SYTL3: variants seen among roughly 807,000 people sequenced by gnomAD.
The protein encoded by SYTL3 is synaptotagmin-like protein 3.
A neutral mutation model predicts 82.1 loss-of-function variants in SYTL3; 88 were observed. That is an observed-to-expected ratio of 1.07 (90% confidence interval 0.90 to 1.28). The LOEUF is 1.28. Among genes scored for constraint, SYTL3 ranks in the 50% most tolerant of loss-of-function variants. The pLI is 0.00. For synonymous variants in SYTL3, 311 were observed against 289.4 expected (o/e 1.07, Z -0.76); for missense variants, 831 against 757.6 (o/e 1.10, Z -1.14).
intron 5 of SYTL3, among the ~76,000 whole-genome samples, chr6:158,676,654 C>T (rs1355449956): frequency 1.3e-5 from 2 of 152,144 alleles, no homozygotes; most frequent in African/African-American, 2.4e-5. Context: ...GCAACCTACT[C>T]ATCTGACAAA....
intron 12 of SYTL3, among the ~76,000 whole-genome samples, chr6:158,747,233 C>T (rs751126619): frequency 6.6e-5 from 10 of 152,226 alleles, no homozygotes; most frequent in African/African-American, 1.7e-4. Context: ...GTGATCCACC[C>T]GCCTTGGCCT....
In SYTL3 at chr6:158,682,925, G is replaced by T. The variant is rs759221462; in HGVS notation, c.330G>T (p.Arg110Ser). The change falls in exon 6 of 18, where the codon AGG (arginine) becomes AGT (serine). Residue 110 changes from arginine (R) to serine (S), a missense_variant and splice_region_variant. Physicochemically the swap from Arg to Ser is moderately radical, Grantham distance 110. Coordinates refer to ENST00000611299, the MANE Select transcript of SYTL3 (RefSeq NM_001242394.2). ...GCTTCCTTTCTGCTCATTTTTTCAG[G>T]AATGTCAAAATAAAAACTGGAGAAT... ...AWKCTVCFEDRNVKIKTGEWF... is the reference protein window; with the variant it reads ...AWKCTVCFEDSNVKIKTGEWF... The T allele has an allele frequency of 1.2e-6, 2 of 1,612,100 alleles. No homozygotes were observed. Among genetic ancestry groups the T allele is most frequent in the Middle Eastern group, 1.7e-4 (1 of 6,058 alleles).
rs56384330 is a variant in SYTL3 at position 158,762,833 on chromosome 6, C to T, written c.1518-471C>T. 4.8e-3 allele frequency among the ~76,000 whole-genome samples: 733 copies of T among 152,242 alleles called. 5 individuals carry two copies. The highest frequency in any genetic ancestry group is 0.016 in the African/African-American group (684 of 41,556). On this transcript the variant is annotated intron_variant, in intron 16 of 17. Transcript: ENST00000611299. Reference sequence around the variant, plus strand: ...TCTGGAGGCTGAGATAGGAGTCTTCCTTGAACTTGGGGGGAGGAGGTTGCA... The same window carrying T: ...TCTGGAGGCTGAGATAGGAGTCTTCTTTGAACTTGGGGGGAGGAGGTTGCA...
At chr6:158,655,153 G>C (rs1048870545) in intron 2 of SYTL3, among the ~76,000 whole-genome samples, 4 of 152,160 alleles carry the variant, frequency 2.6e-5, no homozygotes, top group Non-Finnish European at 5.9e-5. Flanking sequence ...GAATTCCTGC[G>C]TGAGATGATT....
At chr6:158,659,744 C>T (rs1251268072) in intron 2 of SYTL3, among the ~76,000 whole-genome samples, 3 of 152,132 alleles carry the variant, frequency 2.0e-5, no homozygotes, top group Admixed American at 6.5e-5. Flanking sequence ...CTTTTCATTT[C>T]GTTTTGTTTT....
chr6:158,681,683 G>T (rs571746130), intron 5 of SYTL3, among the ~76,000 whole-genome samples: 5 of 152,158 alleles, frequency 3.3e-5, no homozygotes, highest in Non-Finnish European at 7.4e-5. Context: ...ACAACAACAA[G>T]AACAAGTTGT....
chr6:158,708,767 G>T (rs1019020586), intron 8 of SYTL3, among the ~76,000 whole-genome samples: 11 of 152,154 alleles, frequency 7.2e-5, no homozygotes, highest in African/African-American at 2.7e-4. Flanking sequence ...TCTCTTTTGA[G>T]TGTTTGCAGG....
chr6:158,764,842 C>T lies in SYTL3; in HGVS notation c.*238C>T. On this transcript the variant is annotated 3_prime_UTR_variant, in exon 18 of 18. Coordinates refer to ENST00000611299, the MANE Select transcript of SYTL3 (RefSeq NM_001242394.2). ...TCCTCTTTGAGATGTAGAAAATGGC[C>T]AGATTTTAATAAACGTTGTTACCCA... 2.5e-6 allele frequency: 1 copy of T among 399,672 alleles called. No individual in the cohort carries two copies. Among genetic ancestry groups the T allele is most frequent in the Non-Finnish European group, 4.5e-6 (1 of 222,188 alleles). The allele number at this position is 399,672 out of a possible 1,614,324, so 24.8% of individuals were successfully genotyped here. A position where few individuals can be genotyped will look rare whatever the true frequency, so the allele number is the denominator to read the frequency against.
chr6:158,723,330 C>T (rs1784351212), intron 10 of SYTL3, among the ~76,000 whole-genome samples: 3 of 152,160 alleles, frequency 2.0e-5, no homozygotes, highest in Middle Eastern at 3.4e-3. Context: ...CCTGCCTCAG[C>T]CTCCCAAAGT....
At chr6:158,658,791 T>C (rs1246763422) in intron 2 of SYTL3, among the ~76,000 whole-genome samples, 1 of 151,996 alleles carries the variant, frequency 6.6e-6, no homozygotes, top group Admixed American at 6.6e-5. Flanking sequence ...TAGCCAGGCA[T>C]GGAGGCACAC....
At chr6:158,725,353 A>T in intron 10 of SYTL3, 150 bp from the exon 11 acceptor site, 1 of 738,730 alleles carries the variant, frequency 1.4e-6, no homozygotes, top group Non-Finnish European at 2.2e-6. Flanking sequence ...GCGCACGTGC[A>T]CGCATTTACC....
At chr6:158,646,409 A>C (rs1787463073), upstream of SYTL3, among the ~76,000 whole-genome samples, 1 of 152,116 alleles carries the variant, frequency 6.6e-6, no homozygotes, top group South Asian at 2.1e-4. Context: ...GGCTTAAGGG[A>C]TCCTCCAGCC....
At chr6:158,649,823 C>T (rs1189112223), upstream of SYTL3, among the ~76,000 whole-genome samples, 1 of 152,224 alleles carries the variant, frequency 6.6e-6, no homozygotes, top group Non-Finnish European at 1.5e-5. Flanking sequence ...TCAGCCTGGT[C>T]TTTCCTCCAG....
Position 158,653,930 on chromosome 6 carries a change from C to T in SYTL3, c.-637+2088C>T, listed in dbSNP as rs185542607. On this transcript the variant is annotated intron_variant, in intron 2 of 17. Coordinates refer to ENST00000611299, the MANE Select transcript of SYTL3 (RefSeq NM_001242394.2). ...GATGATTGGATGAAAGAAATAGGGGCCCCTAAGAATAAACAATGTGTCCCT... is the reference window on the plus strand; with the variant it reads ...GATGATTGGATGAAAGAAATAGGGGTCCCTAAGAATAAACAATGTGTCCCT... Among the ~76,000 whole-genome samples the T allele has an allele frequency of 5.9e-5, 9 of 152,314 alleles. No homozygotes were observed. The East Asian group carries it at 1.3e-3, about 23-fold the overall frequency.
At chr6:158,653,297 G>C (rs1788261912) in intron 2 of SYTL3, among the ~76,000 whole-genome samples, 1 of 151,872 alleles carries the variant, frequency 6.6e-6, no homozygotes, top group South Asian at 2.1e-4. Context: ...ACCTGAGGTT[G>C]GGAGTTTGAG....
intron 6 of SYTL3, among the ~76,000 whole-genome samples, chr6:158,702,248 C>A (rs1238531308): frequency 6.6e-6 from 1 of 151,068 alleles, no homozygotes; most frequent in African/African-American, 2.4e-5. Context: ...ATCACTTGAA[C>A]CCGGGAGGCG....
intron 8 of SYTL3, among the ~76,000 whole-genome samples, chr6:158,711,591 A>C (rs1449890873): frequency 6.6e-6 from 1 of 152,230 alleles, no homozygotes; most frequent in Admixed American, 6.5e-5. Context: ...GGAAGAAAGA[A>C]TGCAGGGCGA....
intron 6 of SYTL3, among the ~76,000 whole-genome samples, chr6:158,700,437 C>G (rs922675353): frequency 2.6e-5 from 4 of 151,664 alleles, no homozygotes; most frequent in Non-Finnish European, 1.5e-5. Context: ...TTATCTCTCT[C>G]GAAGTACCTG....
chr6:158,718,999 C>T (rs1447575074), intron 10 of SYTL3, among the ~76,000 whole-genome samples: 3 of 152,238 alleles, frequency 2.0e-5, no homozygotes, highest in Non-Finnish European at 4.4e-5. Context: ...CTGGAACTTG[C>T]ACACAGCCTC....
Sources: gnomAD v4.1 joint callset for allele counts (sites outside exome capture counted in the v4.1 genomes callset) on GRCh38, gnomAD v4.1.1 for gene constraint, MANE v1.5 for transcripts, NCBI Gene and HGNC (gene_info 2026-07-23, HGNC 2026-07-21) for gene names.